GPC6: variants seen among roughly 807,000 people sequenced by gnomAD.
The protein encoded by GPC6 is glypican 6, also known as glypican-6.
GPC6 carries 14 observed loss-of-function variants against 55.2 expected under a neutral mutation model. The observed-to-expected ratio is 0.25, with a 90% CI of 0.17 to 0.40. The LOEUF is 0.40. Among genes scored for constraint, GPC6 ranks in the 10% least tolerant of loss-of-function variants. The pLI, the probability that GPC6 is intolerant of heterozygous loss-of-function variation, is 1.00. For missense variants in GPC6, 641 were observed against 708.5 expected (o/e 0.90, Z 1.08); for synonymous variants, 278 against 259.6 (o/e 1.07, Z -0.68).
At chr13:93,477,437 A>T (rs575702757) in intron 1 of GPC6, among the ~76,000 whole-genome samples, 107 of 152,244 alleles carry the variant, frequency 7.0e-4, no homozygotes, top group African/African-American at 2.4e-3. Flanking sequence ...CTTTTGCAAC[A>T]TTCCTCTGGT....
chr13:94,304,263 T>C (rs759096900), intron 5 of GPC6, among the ~76,000 whole-genome samples: 25 of 152,188 alleles, frequency 1.6e-4, no homozygotes, highest in Non-Finnish European at 2.8e-4. Context: ...CTCTGCAAAA[T>C]GCTGAGTTGA....
chr13:93,277,339 T>C (rs1331113340), intron 1 of GPC6, among the ~76,000 whole-genome samples: 1 of 152,210 alleles, frequency 6.6e-6, no homozygotes, highest in African/African-American at 2.4e-5. Flanking sequence ...GAAGACAATA[T>C]CTGCCAACCT....
At chr13:94,271,422 ACTTCTC>A (rs1566618367) in intron 4 of GPC6, among the ~76,000 whole-genome samples, 4 of 150,284 alleles carry the variant, frequency 2.7e-5, no homozygotes, top group Non-Finnish European at 5.9e-5. Flanking sequence ...CATCATGCCC[ACTTCTC>A]TGAGACTTCT....
chr13:94,191,214 G>A (rs1209431363), intron 4 of GPC6, among the ~76,000 whole-genome samples: 1 of 152,156 alleles, frequency 6.6e-6, no homozygotes, highest in Non-Finnish European at 1.5e-5. Flanking sequence ...CACCTTCACT[G>A]ACAGACTTGA....
chr13:94,055,340 G>A (rs530187700), intron 4 of GPC6, among the ~76,000 whole-genome samples: 3 of 152,252 alleles, frequency 2.0e-5, no homozygotes, highest in African/African-American at 7.2e-5. Context: ...GCAAAGAAAG[G>A]AGGAGAAAGA....
chr13:93,861,795 G>T (rs1476681763), intron 3 of GPC6, among the ~76,000 whole-genome samples: 1 of 151,682 alleles, frequency 6.6e-6, no homozygotes, highest in African/African-American at 2.4e-5. Context: ...AGCACCCTCT[G>T]ACCTCTTTAC....
intron 3 of GPC6, among the ~76,000 whole-genome samples, chr13:93,896,265 CCCT>C (rs1876005495): frequency 6.6e-6 from 1 of 151,918 alleles, no homozygotes; most frequent in South Asian, 2.1e-4. Context: ...ACACATTTTC[CCCT>C]CAATAGACAT....
chr13:93,305,244 G>GT (rs1430373830), intron 1 of GPC6, among the ~76,000 whole-genome samples: 142 of 151,814 alleles, frequency 9.4e-4, no homozygotes, highest in African/African-American at 3.0e-3. Context: ...CCAGGCAGTC[G>GT]TTTTTTTTGT....
chr13:94,187,234 G>A (rs1409684684), intron 4 of GPC6: 2 of 152,108 alleles, frequency 1.3e-5, no homozygotes, highest in Admixed American at 1.3e-4. Context: ...AGGAAACTGA[G>A]GCTCGTATGT....
the GPC6 span, among the ~76,000 whole-genome samples, chr13:93,221,698 T>C: frequency 2.6e-5 from 4 of 152,182 alleles, no homozygotes; most frequent in Admixed American, 2.0e-4. Context: ...TACCTTTTCT[T>C]TCTCTGTAAC....
chr13:94,073,984 C>G (rs529075901), intron 4 of GPC6, among the ~76,000 whole-genome samples: 75 of 152,194 alleles, frequency 4.9e-4, no homozygotes, highest in African/African-American at 1.7e-3. Context: ...GAAGGTGAAG[C>G]CATGAGTTAC....
chr13:94,235,196 CAA>C (rs1380368678), intron 4 of GPC6, among the ~76,000 whole-genome samples: 1 of 152,098 alleles, frequency 6.6e-6, no homozygotes, highest in Non-Finnish European at 1.5e-5. Flanking sequence ...AACTGGAGAT[CAA>C]AGAGTGAGCT....
At chr13:93,963,711 A>G (rs756260414) in intron 3 of GPC6, among the ~76,000 whole-genome samples, 13 of 152,210 alleles carry the variant, frequency 8.5e-5, no homozygotes, top group Non-Finnish European at 1.8e-4. Flanking sequence ...CTGGTGACTG[A>G]TGACTCATTG....
intron 4 of GPC6, among the ~76,000 whole-genome samples, chr13:94,038,840 T>C (rs1240389796): frequency 6.6e-6 from 1 of 151,938 alleles, no homozygotes; most frequent in Non-Finnish European, 1.5e-5. Context: ...CAGAAACATG[T>C]AAGCCAAACG....
chr13:93,993,381 C>T (rs1340668222), intron 3 of GPC6, among the ~76,000 whole-genome samples: 1 of 151,634 alleles, frequency 6.6e-6, no homozygotes, highest in Non-Finnish European at 1.5e-5. Flanking sequence ...GCAACCTCCG[C>T]CTCCTGGGTT....
chr13:94,279,595 C>T (rs1370331214), intron 4 of GPC6, among the ~76,000 whole-genome samples: 5 of 151,934 alleles, frequency 3.3e-5, no homozygotes, highest in Non-Finnish European at 7.4e-5. Context: ...TATAAATTTC[C>T]CTCTTAACAC....
intron 2 of GPC6, among the ~76,000 whole-genome samples, chr13:93,621,583 T>C (rs1878952453): frequency 6.6e-6 from 1 of 152,106 alleles, no homozygotes; most frequent in African/African-American, 2.4e-5. Flanking sequence ...CTTATATGAT[T>C]AATATTACAC....
chr13:94,107,271 G>A (rs1357484761), intron 4 of GPC6, among the ~76,000 whole-genome samples: 2 of 152,144 alleles, frequency 1.3e-5, no homozygotes, highest in African/African-American at 2.4e-5. Flanking sequence ...CTGCAGTAAA[G>A]CGGCATAAAA....
intron 6 of GPC6, among the ~76,000 whole-genome samples, chr13:94,310,281 T>TA (rs1016191929): frequency 5.3e-5 from 8 of 151,702 alleles, no homozygotes; most frequent in East Asian, 1.9e-4. Flanking sequence ...AAAGTAAATT[T>TA]AAAAAAAAAG....
Sources: allele counts gnomAD v4.1 joint callset (sites outside exome capture counted in the v4.1 genomes callset), GRCh38; gene constraint gnomAD v4.1.1; transcripts MANE v1.5; gene names NCBI Gene and HGNC (gene_info 2026-07-23, HGNC 2026-07-21).